CADPS2: variants seen among roughly 807,000 people sequenced by gnomAD.
CADPS2 encodes calcium dependent secretion activator 2.
In CADPS2, 93 loss-of-function variants were observed where a neutral mutation model predicts 172.5. That is an observed-to-expected ratio of 0.54 (90% CI 0.46 to 0.64). The LOEUF is 0.64. CADPS2 is among the 30% of genes least tolerant of loss of function. The probability of loss-of-function intolerance (pLI) is 0.00; values close to 1 mark genes in which losing one functional copy is unlikely to be tolerated. For synonymous variants in CADPS2, 546 were observed against 555.2 expected, an observed-to-expected ratio of 0.98 and a Z score of 0.23; for missense variants, 1,420 against 1,565.9, an observed-to-expected ratio of 0.91 and a Z score of 1.57.
At chr7:122,817,050 G>A (rs1351147446) in intron 1 of CADPS2, among the ~76,000 whole-genome samples, 2 of 147,774 alleles carry the variant, frequency 1.4e-5, no homozygotes, top group Non-Finnish European at 3.0e-5. Context: ...CCTATAAAAC[G>A]GCCCCACCCA....
At chr7:122,398,646 C>T (rs2045486592) in intron 20 of CADPS2, among the ~76,000 whole-genome samples, 1 of 152,062 alleles carries the variant, frequency 6.6e-6, no homozygotes, top group Non-Finnish European at 1.5e-5. Flanking sequence ...TGAAGACCTC[C>T]ATCACAGAAA....
chr7:122,571,946 T>C (rs1202897541), intron 7 of CADPS2, among the ~76,000 whole-genome samples: 5 of 152,118 alleles, frequency 3.3e-5, no homozygotes, highest in Admixed American at 3.3e-4. Flanking sequence ...TCACAAATAA[T>C]TACAAAAAAA....
intron 14 of CADPS2, among the ~76,000 whole-genome samples, chr7:122,462,587 C>T (rs563911110): frequency 3.3e-5 from 5 of 152,032 alleles, no homozygotes; most frequent in Non-Finnish European, 5.9e-5. Context: ...CAGAAATAGT[C>T]ATATTGAAAA....
intron 7 of CADPS2, among the ~76,000 whole-genome samples, chr7:122,571,673 C>A (rs1007765833): frequency 2.0e-5 from 3 of 152,162 alleles, no homozygotes; most frequent in Non-Finnish European, 4.4e-5. Flanking sequence ...TGTGAATTAG[C>A]CCTGGACCTT....
chr7:122,854,085 C>A (rs1040135039), intron 1 of CADPS2, among the ~76,000 whole-genome samples: 1 of 152,164 alleles, frequency 6.6e-6, no homozygotes, highest in African/African-American at 2.4e-5. Context: ...CTTAGCTGGG[C>A]GTGGTGGCTC....
At chr7:122,651,035 T>C (rs1040314708) in intron 3 of CADPS2, among the ~76,000 whole-genome samples, 2 of 152,066 alleles carry the variant, frequency 1.3e-5, no homozygotes, top group East Asian at 3.8e-4. Flanking sequence ...TTAAATATTC[T>C]CCTCAAATGT....
At chr7:122,671,710 A>G (rs901709493) in intron 2 of CADPS2, among the ~76,000 whole-genome samples, 4 of 152,210 alleles carry the variant, frequency 2.6e-5, no homozygotes, top group Non-Finnish European at 5.9e-5. Flanking sequence ...ATAAGCAAAG[A>G]AGGATAGGTA....
intron 28 of CADPS2, among the ~76,000 whole-genome samples, chr7:122,326,284 T>C (rs2033851098): frequency 6.6e-6 from 1 of 152,096 alleles, no homozygotes; most frequent in African/African-American, 2.4e-5. Flanking sequence ...TTTCATTTTG[T>C]ATTTTTGGAG....
intron 2 of CADPS2, among the ~76,000 whole-genome samples, chr7:122,716,200 TTCAG>T (rs2089575203): frequency 6.6e-6 from 1 of 152,156 alleles, no homozygotes; most frequent in Admixed American, 6.6e-5. Context: ...TATGCATTCA[TTCAG>T]TATGACTATT....
chr7:122,698,170 T>G (rs1283167503), intron 2 of CADPS2: 1 of 1,613,932 alleles, frequency 6.2e-7, no homozygotes, highest in Non-Finnish European at 8.5e-7. Context: ...CCCATTTGGA[T>G]TTATTTCTTC....
chr7:122,734,356 TAAAAAAAAA>T (rs558421546), intron 2 of CADPS2, among the ~76,000 whole-genome samples: 3 of 46,292 alleles, frequency 6.5e-5, no homozygotes, highest in African/African-American at 9.0e-5. Context: ...CCAGAAATAG[TAAAAAAAAA>T]AAAAAAAAAA....
In CADPS2 at chr7:122,318,547, G is replaced by C. The variant is rs1403118165; in HGVS notation, c.*1618C>G. On this transcript the variant is annotated 3_prime_UTR_variant, in exon 30 of 30. Transcript: ENST00000449022. Reference sequence around the variant, plus strand: ...GCCATTGGAGAGTTTGGGATAGCATGACTGGACATTTGAGGGTTTGGAGAA... The same window carrying C: ...GCCATTGGAGAGTTTGGGATAGCATCACTGGACATTTGAGGGTTTGGAGAA... 1.3e-5 allele frequency: 2 copies of C among 152,280 alleles called. No homozygotes were observed. Among genetic ancestry groups the C allele is most frequent in the African/African-American group, 4.8e-5 (2 of 41,444 alleles). 9.4% of individuals were successfully genotyped at this position (152,280 alleles called of 1,614,324 possible).
At chr7:122,448,130 C>T (rs2052548958) in intron 15 of CADPS2, among the ~76,000 whole-genome samples, 1 of 152,172 alleles carries the variant, frequency 6.6e-6, no homozygotes, top group South Asian at 2.1e-4. Flanking sequence ...TGTTCACTGT[C>T]TGACACAAAG....
Position 122,886,135 on chromosome 7 carries a change from C to T in CADPS2, c.203G>A (p.Arg68Gln). The T allele has an allele frequency of 1.3e-6, 2 of 1,554,146 alleles. No individual in the cohort carries two copies. Among genetic ancestry groups the T allele is most frequent in the Non-Finnish European group, 1.7e-6 (2 of 1,149,666 alleles). Residue 68 changes from arginine to glutamine, a missense_variant, in exon 1 of 30, where the codon CGA (arginine) becomes CAA (glutamine). Physicochemically the swap from Arg to Gln is conservative, Grantham distance 43. Coordinates refer to ENST00000449022, the MANE Select transcript of CADPS2 (RefSeq NM_017954.11). ...SPSPSVLSEG[R>Q]DEPQRQLDDE... ...GTCCAGCTGCCGCTGGGGCTCGTCT[C>T]GCCCCTCGCTGAGCACAGAGGGGCT...
chr7:122,407,101 T>C (rs976687065), intron 20 of CADPS2, among the ~76,000 whole-genome samples: 6 of 152,182 alleles, frequency 3.9e-5, no homozygotes, highest in Non-Finnish European at 8.8e-5. Context: ...TCTGTACAAA[T>C]GAACCAACTC....
At chr7:122,442,919 T>C (rs1392865922) in intron 15 of CADPS2, among the ~76,000 whole-genome samples, 1 of 152,188 alleles carries the variant, frequency 6.6e-6, no homozygotes. Flanking sequence ...ATTTTGATAG[T>C]TTCTTCTGTG....
chr7:122,543,449 T>A (rs2063305290), intron 8 of CADPS2, among the ~76,000 whole-genome samples: 1 of 152,056 alleles, frequency 6.6e-6, no homozygotes, highest in Admixed American at 6.6e-5. Context: ...TGACACATAG[T>A]CTCAATAAAT....
intron 1 of CADPS2, among the ~76,000 whole-genome samples, chr7:122,823,732 T>C (rs1363153701): frequency 6.6e-6 from 1 of 152,030 alleles, no homozygotes; most frequent in Non-Finnish European, 1.5e-5. Context: ...ACTCAGAAAA[T>C]TTAAGAAAAT....
rs886924359 is a variant in CADPS2 at position 122,809,887 on chromosome 7, C to T, written c.340-72819G>A. 2.6e-5 allele frequency among the ~76,000 whole-genome samples: 4 copies of T among 152,194 alleles called. No individual in the cohort carries two copies. The East Asian group carries it at 7.7e-4, about 29-fold the overall frequency. On this transcript the variant is annotated intron_variant, in intron 1 of 29. Transcript: ENST00000449022. The stretch of plus-strand genomic sequence containing the variant: ...GTCTTTCCACGTGTCAACCTCTAAG[C>T]CAGAATTTCCAAAATTTCAGTCATT...
Sources: gnomAD v4.1 joint callset for allele counts (sites outside exome capture counted in the v4.1 genomes callset) on GRCh38, gnomAD v4.1.1 for gene constraint, MANE v1.5 for transcripts, NCBI Gene and HGNC (gene_info 2026-07-23, HGNC 2026-07-21) for gene names.